Variants in FAAH2 observed in about 807,000 individuals in gnomAD.
The protein encoded by FAAH2 is fatty acid amide hydrolase 2.
Under a neutral mutation model 36.9 loss-of-function variants are expected in FAAH2, and 60 were observed. That is an observed-to-expected ratio of 1.63 (90% confidence interval 1.32 to 2.02). FAAH2 has a LOEUF of 2.02. FAAH2 is among the 30% of genes most tolerant of loss of function. The pLI, the probability that FAAH2 is intolerant of heterozygous loss-of-function variation, is 0.00. For synonymous variants in FAAH2, 214 were observed against 143.8 expected (o/e 1.49, Z -3.49); for missense variants, 689 against 397.5 (o/e 1.73, Z -6.23).
chrX:57,424,124 G>A (rs1168619055), intron 7 of FAAH2, among the ~76,000 whole-genome samples: 4 of 111,885 alleles, frequency 3.6e-5, no homozygotes, highest in African/African-American at 1.3e-4. Context: ...ATTTGAGAAA[G>A]CCACCACACT....
chrX:57,362,109 T>C (rs2147142952), intron 5 of FAAH2, among the ~76,000 whole-genome samples: 1 of 110,880 alleles, frequency 9.0e-6, no homozygotes, highest in South Asian at 3.8e-4. Flanking sequence ...TTTTCAAATT[T>C]TATTTTAAGA....
chrX:57,413,001 T>C (rs2055742030), intron 7 of FAAH2, among the ~76,000 whole-genome samples: 1 of 112,618 alleles, frequency 8.9e-6, no homozygotes. Context: ...ATTTCATATG[T>C]TTGTTGGCTG....
intron 10 of FAAH2, among the ~76,000 whole-genome samples, chrX:57,458,465 C>G (rs2056900057): frequency 9.0e-6 from 1 of 110,586 alleles, no homozygotes; most frequent in Admixed American, 9.6e-5. Flanking sequence ...TGCACTCCAA[C>G]CTGGGTGACA....
At chrX:57,232,943 C>G in the FAAH2 span, among the ~76,000 whole-genome samples, 1 of 112,160 alleles carries the variant, frequency 8.9e-6, no homozygotes, top group East Asian at 2.8e-4. Flanking sequence ...CCCTTGAGCC[C>G]TGAAGAAGTT....
the FAAH2 span, among the ~76,000 whole-genome samples, chrX:57,213,775 T>A: frequency 4.5e-5 from 5 of 111,846 alleles, no homozygotes; most frequent in Non-Finnish European, 9.4e-5. Context: ...ATGTCCCACG[T>A]GCTGGTAATA....
At chrX:57,286,424 T>G (rs965776856), upstream of FAAH2, among the ~76,000 whole-genome samples, 4 of 112,008 alleles carry the variant, frequency 3.6e-5, no homozygotes, top group Non-Finnish European at 7.5e-5. Flanking sequence ...TATTATCTAG[T>G]GTTTATGGTA....
chrX:57,360,316 C>T (rs555808511), intron 5 of FAAH2, among the ~76,000 whole-genome samples: 2 of 110,659 alleles, frequency 1.8e-5, no homozygotes, highest in African/African-American at 6.5e-5. Context: ...ATACATTTGT[C>T]CGGTTGATGG....
upstream of FAAH2, among the ~76,000 whole-genome samples, chrX:57,284,420 C>A (rs1405388149): frequency 9.0e-6 from 1 of 111,284 alleles, no homozygotes; most frequent in East Asian, 2.8e-4. Flanking sequence ...ACAACAACAA[C>A]AACAAAACCT....
At chrX:57,301,517 A>C (rs2052367798) in intron 2 of FAAH2, among the ~76,000 whole-genome samples, 1 of 107,259 alleles carries the variant, frequency 9.3e-6, no homozygotes, top group Non-Finnish European at 1.9e-5. Flanking sequence ...ATGCTAAATG[A>C]CGAGTTAATG....
At chrX:57,265,762 T>C in the FAAH2 span, among the ~76,000 whole-genome samples, 2 of 111,745 alleles carry the variant, frequency 1.8e-5, no homozygotes, top group African/African-American at 6.5e-5. Context: ...TTAGCCATTT[T>C]ATCCTTTGGG....
the FAAH2 span, among the ~76,000 whole-genome samples, chrX:57,217,457 A>G: frequency 9.0e-6 from 1 of 111,689 alleles, no homozygotes; most frequent in Non-Finnish European, 1.9e-5. Flanking sequence ...TTGATTTTTG[A>G]ATAAGGTGAG....
chrX:57,343,075 G>A (rs2053728736), intron 5 of FAAH2, among the ~76,000 whole-genome samples: 1 of 111,881 alleles, frequency 8.9e-6, no homozygotes, highest in Non-Finnish European at 1.9e-5. Context: ...GAATACTGCT[G>A]TGATAAACAT....
chrX:57,141,755 GT>G, the FAAH2 span, among the ~76,000 whole-genome samples: 1 of 110,585 alleles, frequency 9.0e-6, no homozygotes, highest in African/African-American at 3.3e-5. Flanking sequence ...TTTATTTTCT[GT>G]GTTATTATAA....
intron 5 of FAAH2, among the ~76,000 whole-genome samples, chrX:57,353,487 T>TAAAAAAAAAAAAAA (rs3035714): frequency 2.4e-5 from 2 of 83,833 alleles, no homozygotes; most frequent in African/African-American, 4.3e-5. Flanking sequence ...CCCAAATTAT[T>TAAAAAAAAAAAAAA]AAAAAAAAAA....
chrX:57,403,263 C>T (rs760476552), intron 7 of FAAH2, among the ~76,000 whole-genome samples: 1 of 112,407 alleles, frequency 8.9e-6, no homozygotes, highest in African/African-American at 3.2e-5. Flanking sequence ...ATTAGTCTTA[C>T]AGCGTCCTCT....
chrX:57,392,025 A>T (rs755098866), intron 7 of FAAH2, among the ~76,000 whole-genome samples: 2 of 110,128 alleles, frequency 1.8e-5, no homozygotes, highest in East Asian at 2.9e-4. Context: ...GTGATCTTTA[A>T]CCTCCTTGGT....
chrX:57,232,716 T>C, the FAAH2 span, among the ~76,000 whole-genome samples: 2 of 112,348 alleles, frequency 1.8e-5, no homozygotes, highest in Non-Finnish European at 3.8e-5. Flanking sequence ...AACTGGTCTA[T>C]AAATGTCTTG....
intron 2 of FAAH2, among the ~76,000 whole-genome samples, chrX:57,300,906 AT>A (rs1882470057): frequency 8.9e-6 from 1 of 112,228 alleles, no homozygotes; most frequent in South Asian, 3.7e-4. Context: ...CAAAACCACA[AT>A]GAGATAACCA....
the FAAH2 span, among the ~76,000 whole-genome samples, chrX:57,166,412 C>T: frequency 8.9e-6 from 1 of 111,792 alleles, no homozygotes; most frequent in Non-Finnish European, 1.9e-5. Flanking sequence ...CTGTAATACA[C>T]ACCCACCCTA....
Sources: allele counts gnomAD v4.1 joint callset (sites outside exome capture counted in the v4.1 genomes callset), GRCh38; gene constraint gnomAD v4.1.1; transcripts MANE v1.5; gene names NCBI Gene and HGNC (gene_info 2026-07-23, HGNC 2026-07-21).